Variants in GRPR observed in about 807,000 individuals in gnomAD.
GRPR encodes the protein gastrin releasing peptide receptor.
Under a neutral mutation model 15.6 loss-of-function variants are expected in GRPR, and 4 were observed. The observed-to-expected ratio is 0.26, with a 90% confidence interval of 0.13 to 0.59. The LOEUF (loss-of-function observed/expected upper bound fraction) is 0.59, where lower values mean the gene tolerates loss of function less well. Among genes scored for constraint, GRPR ranks in the 20% least tolerant of loss-of-function variants. GRPR has a pLI of 0.90. For synonymous variants in GRPR, 128 were observed against 126.8 expected (o/e 1.01, Z -0.06); for missense variants, 270 against 304.1 (o/e 0.89, Z 0.83).
rs1247231283 is a variant in GRPR, at chrX:16,150,361, T to G, written c.470T>G (p.Ile157Ser). The G allele has an allele frequency of 8.3e-7, 1 of 1,209,837 alleles. No homozygotes were observed. Residue 157 changes from isoleucine (I) to serine (S), a missense_variant, in exon 2 of 3, where the codon ATC (isoleucine) becomes AGC (serine). Around this residue, in one of 3 missense-constraint regions of GRPR, gnomAD observed 115 missense variants for 128.8 expected, o/e 0.89. Transcript: ENST00000380289. ...CAGGCCTCTCATGCCCTGATGAAGA[T>G]CTGCCTCAAAGCCGCCTTTATCTGG... ...DIQASHALMK[I>S]CLKAAFIWII...
rs35636070 is a variant in GRPR, at chrX:16,124,349, G to A, written c.396G>A (p.Thr132=). 0.011 allele frequency: 13,818 copies of A among 1,207,653 alleles called. 65 individuals carry two copies. Among genetic ancestry groups the A allele is most frequent in the Non-Finnish European group, 0.014 (12,419 of 893,613 alleles). The change falls in exon 1 of 3, where the codon ACG becomes ACA. Residue 132 remains threonine, a synonymous_variant. Transcript: ENST00000380289. ...TTGGGGTGTCTGTCTTCACACTCACGGCGCTCTCGGCAGACAGGTAAGTAC... is the reference window on the plus strand; with the variant it reads ...TTGGGGTGTCTGTCTTCACACTCACAGCGCTCTCGGCAGACAGGTAAGTAC... ...TSVGVSVFTL[T]ALSADRYKAI...
rs763638231 is a variant in GRPR at position 16,151,901 on chromosome X, A to G, written c.766-355A>G. Among the ~76,000 whole-genome samples the G allele has an allele frequency of 2.7e-5, 3 of 111,984 alleles. No individual in the cohort carries two copies. The South Asian group carries it at 1.2e-3, about 43-fold the overall frequency. ...CCTGAGGAAAAAGGGGGCACTTATT[A>G]GAAGTTCATGTTGCAGTCCATTCAA... is the stretch of plus-strand genomic sequence containing the variant. On this transcript the variant is annotated intron_variant, in intron 2 of 2. Coordinates refer to ENST00000380289, the MANE Select transcript of GRPR (RefSeq NM_005314.3).
At chrX:16,148,561 A>G (rs1922641501) in intron 1 of GRPR, among the ~76,000 whole-genome samples, 1 of 111,785 alleles carries the variant, frequency 8.9e-6, no homozygotes, top group East Asian at 2.8e-4. Context: ...ATAAAAGAGT[A>G]TCATAAGTAG....
At chrX:16,133,791 C>T (rs1922411313) in intron 1 of GRPR, among the ~76,000 whole-genome samples, 1 of 111,321 alleles carries the variant, frequency 9.0e-6, no homozygotes, top group African/African-American at 3.3e-5. Flanking sequence ...TAAGATTTTT[C>T]TCTTTCTTTC....
At chrX:16,150,271 T>C (rs1005435762) in intron 1 of GRPR, 34 bp from the exon 2 acceptor site, 9 of 944,642 alleles carry the variant, frequency 9.5e-6, no homozygotes, top group East Asian at 3.1e-5. Context: ...AATAATATTA[T>C]GCAACTGATG....
intron 1 of GRPR, among the ~76,000 whole-genome samples, chrX:16,126,277 AC>A (rs999064632): frequency 8.9e-6 from 1 of 112,254 alleles, no homozygotes; most frequent in Non-Finnish European, 1.9e-5. Flanking sequence ...CTGATGGATC[AC>A]CTGAATCACA....
At position 16,126,687 on chromosome X, in the gene GRPR, C is replaced by A. The variant is rs751715017; in HGVS notation, c.413+2321C>A. Among the ~76,000 whole-genome samples the A allele has an allele frequency of 2.3e-3, 263 of 112,154 alleles. 1 individual carries two copies. Among genetic ancestry groups the A allele is most frequent in the African/African-American group, 8.3e-3 (258 of 30,904 alleles). The stretch of plus-strand genomic sequence containing the variant: ...TTCTTTAATCTCATATAAATGGAAT[C>A]ATATAGCAAGTACTCCTTTGTATCT... On this transcript the variant is annotated intron_variant, in intron 1 of 2. Coordinates refer to ENST00000380289, the MANE Select transcript of GRPR (RefSeq NM_005314.3).
At chrX:16,140,912 G>A (rs1259805134) in intron 1 of GRPR, among the ~76,000 whole-genome samples, 2 of 111,363 alleles carry the variant, frequency 1.8e-5, no homozygotes, top group Non-Finnish European at 3.8e-5. Context: ...CTTTGTCTTC[G>A]TGATTTGTTT....
In GRPR at chrX:16,123,821, G is replaced by A. The variant is rs1922243110; in HGVS notation, c.-133G>A. 1.9e-6 allele frequency: 1 copy of A among 540,288 alleles called. No homozygotes were observed. 44.5% of individuals were successfully genotyped at this position (540,288 alleles called of 1,213,427 possible). A position where few individuals can be genotyped will look rare whatever the true frequency, so the allele number is the denominator to read the frequency against. On this transcript the variant is annotated 5_prime_UTR_variant, in exon 1 of 3. The change abolishes an upstream ATG in the 5' untranslated region. Coordinates refer to ENST00000380289, the MANE Select transcript of GRPR (RefSeq NM_005314.3). ...TTTGAATACCATAGTTAGTATATAT[G>A]TACTCAGAGTATTTTTATTAAAGAA...
Position 16,152,854 on chromosome X carries a change from C to T in GRPR, c.*209C>T, listed in dbSNP as rs1922737941. The T allele has an allele frequency of 3.7e-5, 16 of 428,961 alleles. No homozygotes were observed. In the South Asian group the frequency reaches 4.9e-4, roughly 13 times the overall value. 35.4% of individuals were successfully genotyped at this position (428,961 alleles called of 1,213,427 possible). ...TAAGTTTTTCATTTCAACTTGTGAA[C>T]GTTTCTTCTGATGTGAAGCAAACCT... On this transcript the variant is annotated 3_prime_UTR_variant, in exon 3 of 3. Coordinates refer to ENST00000380289, the MANE Select transcript of GRPR (RefSeq NM_005314.3).
chrX:16,146,574 AAGAGAATCTCTTT>A (rs1260354456), intron 1 of GRPR, among the ~76,000 whole-genome samples: 1 of 111,959 alleles, frequency 8.9e-6, no homozygotes. Flanking sequence ...GCTTAAGAGA[AAGAGAATCTCTTT>A]AGTAGCTAGC....
chrX:16,124,961 A>G (rs1232906462), intron 1 of GRPR, among the ~76,000 whole-genome samples: 1 of 112,381 alleles, frequency 8.9e-6, no homozygotes, highest in African/African-American at 3.2e-5. Context: ...GAAATCAAAC[A>G]TTATTTGAGT....
At position 16,143,412 on chromosome X, in the gene GRPR, C is replaced by T. The variant is rs6653622; in HGVS notation, c.414-6893C>T. 7.2e-3 allele frequency among the ~76,000 whole-genome samples: 808 copies of T among 112,940 alleles called. 9 individuals carry two copies. Among genetic ancestry groups the T allele is most frequent in the African/African-American group, 0.025 (769 of 31,122 alleles). On this transcript the variant is annotated intron_variant, in intron 1 of 2. Coordinates refer to ENST00000380289, the MANE Select transcript of GRPR (RefSeq NM_005314.3). ...AGGTTTTCCAAGAAGTTGGTGCTCA[C>T]GCACAAATTAAAGCAATGAAGAAAA...
intron 1 of GRPR, among the ~76,000 whole-genome samples, chrX:16,134,672 C>T (rs1256320407): frequency 2.7e-5 from 3 of 110,721 alleles, no homozygotes; most frequent in Non-Finnish European, 5.7e-5. Flanking sequence ...TTAACCTGGG[C>T]TTCTCTCCTT....
intron 1 of GRPR, among the ~76,000 whole-genome samples, chrX:16,138,120 A>G (rs770115964): frequency 8.9e-6 from 1 of 112,087 alleles, no homozygotes; most frequent in Non-Finnish European, 1.9e-5. Flanking sequence ...TGTATATGCT[A>G]GAGGTATTAC....
intron 1 of GRPR, among the ~76,000 whole-genome samples, chrX:16,138,128 T>A (rs1235981021): frequency 8.9e-6 from 1 of 112,089 alleles, no homozygotes; most frequent in East Asian, 2.8e-4. Context: ...CTAGAGGTAT[T>A]ACTTTTTGGG....
At chrX:16,126,707 G>A (rs1922298370) in intron 1 of GRPR, among the ~76,000 whole-genome samples, 1 of 111,975 alleles carries the variant, frequency 8.9e-6, no homozygotes, top group Non-Finnish European at 1.9e-5. Flanking sequence ...GTACTCCTTT[G>A]TATCTATCTT....
intron 1 of GRPR, among the ~76,000 whole-genome samples, chrX:16,125,688 C>T (rs1212514211): frequency 2.7e-5 from 3 of 112,095 alleles, no homozygotes; most frequent in African/African-American, 3.2e-5. Flanking sequence ...GCCCAGCACA[C>T]GACATTTTCA....
chrX:16,125,546 G>C (rs888103956), intron 1 of GRPR, among the ~76,000 whole-genome samples: 1 of 112,306 alleles, frequency 8.9e-6, no homozygotes, highest in Non-Finnish European at 1.9e-5. Flanking sequence ...AATACATGTG[G>C]TGCTGGATTC....
Sources: allele counts gnomAD v4.1 joint callset (sites outside exome capture counted in the v4.1 genomes callset), GRCh38; gene constraint gnomAD v4.1.1; regional missense constraint gnomAD v4.1.1; transcripts MANE v1.5; gene names NCBI Gene and HGNC (gene_info 2026-07-23, HGNC 2026-07-21).